The following SCN8A variants were observed in gnomAD, a reference collection of about 807,000 sequenced individuals.
SCN8A encodes the protein sodium voltage-gated channel alpha subunit 8.
A neutral mutation model predicts 184.1 loss-of-function variants in SCN8A; 30 were observed. The ratio of observed to expected loss-of-function variants is 0.16; its 90% confidence interval spans 0.12 to 0.22. The LOEUF is 0.22. Among genes scored for constraint, SCN8A ranks in the 10% least tolerant of loss-of-function variants. The probability of loss-of-function intolerance (pLI) is 1.00; values close to 1 mark genes in which losing one functional copy is unlikely to be tolerated. For synonymous variants in SCN8A, 852 were observed against 907.0 expected (o/e 0.94, Z 1.09); for missense variants, 1,057 against 2,498.9 (o/e 0.42, Z 12.30).
chr12:51,700,122 C>T (rs932061154), intron 7 of SCN8A, among the ~76,000 whole-genome samples: 1 of 150,600 alleles, frequency 6.6e-6, no homozygotes, highest in Non-Finnish European at 1.5e-5. Flanking sequence ...GCCAAGATCA[C>T]GCCATTGTAC....
At chr12:51,684,479 T>A (rs1248609328) in intron 3 of SCN8A, among the ~76,000 whole-genome samples, 187 bp downstream of exon 3, 3 of 152,200 alleles carry the variant, frequency 2.0e-5, no homozygotes, top group Non-Finnish European at 2.9e-5. Flanking sequence ...AATTATTATT[T>A]TTTTTCTTAG....
chr12:51,759,220 A>AAT (rs899645520), intron 14 of SCN8A, among the ~76,000 whole-genome samples: 34 of 151,078 alleles, frequency 2.3e-4, no homozygotes, highest in African/African-American at 5.8e-4. Context: ...CATATTAAAA[A>AAT]ATATATATAT....
chr12:51,699,503 G>A (rs1327204591), intron 6 of SCN8A, 67 bp from the exon 7 acceptor site: 1 of 1,248,044 alleles, frequency 8.0e-7, no homozygotes. Context: ...CAGTGGCTAA[G>A]AGGGAGGCTT....
chr12:51,757,773 C>G (rs567416171), intron 14 of SCN8A, among the ~76,000 whole-genome samples: 2 of 152,204 alleles, frequency 1.3e-5, no homozygotes, highest in East Asian at 1.9e-4. Flanking sequence ...GGTGACAGAG[C>G]AAGACCCTAT....
chr12:51,755,004 T>A (rs1942652422), intron 14 of SCN8A, among the ~76,000 whole-genome samples: 1 of 152,222 alleles, frequency 6.6e-6, no homozygotes, highest in Non-Finnish European at 1.5e-5. Flanking sequence ...ACATCCTCTA[T>A]AGGTTCTAGA....
At chr12:51,643,396 A>G (rs1453150694) in intron 1 of SCN8A, among the ~76,000 whole-genome samples, 1 of 152,224 alleles carries the variant, frequency 6.6e-6, no homozygotes, top group African/African-American at 2.4e-5. Flanking sequence ...TGTAATGTTT[A>G]TAGAGTGCCT....
At chr12:51,754,294 G>T (rs1942639154) in intron 14 of SCN8A, among the ~76,000 whole-genome samples, 1 of 150,198 alleles carries the variant, frequency 6.7e-6, no homozygotes, top group African/African-American at 2.4e-5. Context: ...AATCTTACAG[G>T]AAAGTTTCAA....
In SCN8A at chr12:51,699,718, C is replaced by T. The variant is rs200784857; in HGVS notation, c.855C>T (p.Pro285=). 2.1e-4 allele frequency: 345 copies of T among 1,613,908 alleles called. 1 individual carries two copies. The East Asian group carries it at 7.5e-3, about 35-fold the overall frequency. The change falls in exon 7 of 27, where the codon CCC becomes CCT. Residue 285 remains proline, a synonymous_variant. Transcript: ENST00000627620. The part of the protein sequence containing the change: ...GNLRNKCVVW[P]INFNESYLEN... ...TTCGAAACAAGTGTGTTGTGTGGCC[C>T]ATAAACTTCAACGAGAGCTATCTTG...
At chr12:51,618,781 G>T (rs1490620875) in intron 1 of SCN8A, among the ~76,000 whole-genome samples, 1 of 152,158 alleles carries the variant, frequency 6.6e-6, no homozygotes, top group Non-Finnish European at 1.5e-5. Context: ...TCTCAACCTT[G>T]AGAGATCAAG....
At chr12:51,631,186 A>G (rs1230203140) in intron 1 of SCN8A, among the ~76,000 whole-genome samples, 2 of 152,094 alleles carry the variant, frequency 1.3e-5, no homozygotes, top group African/African-American at 4.8e-5. Flanking sequence ...GGGAAGGCGT[A>G]TTTTTGGCTG....
At chr12:51,640,432 T>A (rs1940427775) in intron 1 of SCN8A, among the ~76,000 whole-genome samples, 1 of 151,850 alleles carries the variant, frequency 6.6e-6, no homozygotes, top group African/African-American at 2.4e-5. Flanking sequence ...AGTAGTCTTT[T>A]AGAAGTGATC....
chr12:51,764,466 C>G (rs1290810465), intron 15 of SCN8A, among the ~76,000 whole-genome samples: 2 of 152,048 alleles, frequency 1.3e-5, no homozygotes, highest in African/African-American at 4.8e-5. Context: ...GAAACCCCAT[C>G]TCTACTAAAA....
chr12:51,735,734 G>A (rs1565904776), intron 12 of SCN8A, among the ~76,000 whole-genome samples: 1 of 152,148 alleles, frequency 6.6e-6, no homozygotes, highest in Non-Finnish European at 1.5e-5. Flanking sequence ...TCTCGACATG[G>A]CTGCAACCGG....
At chr12:51,620,090 A>G (rs1939927478) in intron 1 of SCN8A, among the ~76,000 whole-genome samples, 1 of 152,234 alleles carries the variant, frequency 6.6e-6, no homozygotes, top group Non-Finnish European at 1.5e-5. Flanking sequence ...ATTTAATATT[A>G]TGGAGACCAA....
intron 1 of SCN8A, among the ~76,000 whole-genome samples, chr12:51,649,069 A>T (rs1940652326): frequency 1.3e-5 from 2 of 152,214 alleles, no homozygotes; most frequent in Non-Finnish European, 2.9e-5. Flanking sequence ...CAAAGGGGTT[A>T]TATAGGGCCC....
chr12:51,623,008 C>T (rs1939996610), intron 1 of SCN8A, among the ~76,000 whole-genome samples: 1 of 152,156 alleles, frequency 6.6e-6, no homozygotes, highest in South Asian at 2.1e-4. Flanking sequence ...TCTGGGGCCT[C>T]TTCCAGGTTA....
At chr12:51,769,814 G>T (rs1235072219) in intron 17 of SCN8A, 54 bp from the exon 18 acceptor site, 1 of 1,118,854 alleles carries the variant, frequency 8.9e-7, no homozygotes, top group East Asian at 2.6e-5. Context: ...TCTCAGTGTG[G>T]AGTGGGCATG....
chr12:51,738,329 C>T (rs193194372), intron 12 of SCN8A, among the ~76,000 whole-genome samples: 10 of 152,286 alleles, frequency 6.6e-5, no homozygotes, highest in Admixed American at 5.9e-4. Flanking sequence ...GGTCATCCAT[C>T]GGGCCCCTCA....
chr12:51,751,206 T>TA lies in SCN8A; in HGVS notation c.2132-148dup. 3 of 622,498 alleles carry TA rather than the reference T, an allele frequency of 4.8e-6. No individual in the cohort carries two copies. In the South Asian group the frequency reaches 6.1e-5, roughly 13 times the overall value. 38.6% of individuals were successfully genotyped at this position (622,498 alleles called of 1,614,324 possible). On this transcript the variant is annotated intron_variant, in intron 13 of 26. Transcript: ENST00000627620. Reference sequence around the variant, plus strand: ...TGTGGATCATGCTTCCTCTCTACCTTAGAGAGAAGGAAAACACTTAGGAAT... The same window carrying TA: ...TGTGGATCATGCTTCCTCTCTACCTTAAGAGAGAAGGAAAACACTTAGGAAT...
Sources: allele counts gnomAD v4.1 joint callset (sites outside exome capture counted in the v4.1 genomes callset), GRCh38; gene constraint gnomAD v4.1.1; transcripts MANE v1.5; gene names NCBI Gene and HGNC (gene_info 2026-07-23, HGNC 2026-07-21).